NEGR1: variants seen among roughly 807,000 people sequenced by gnomAD.
NEGR1 encodes IgLON family member 4.
NEGR1 carries 10 observed loss-of-function variants against 40.9 expected under a neutral mutation model. The ratio of observed to expected loss-of-function variants is 0.24; its 90% CI spans 0.15 to 0.42. The LOEUF (loss-of-function observed/expected upper bound fraction) is 0.42. Among genes scored for constraint, NEGR1 ranks in the 10% least tolerant of loss-of-function variants. The pLI is 1.00. For missense variants in NEGR1, 352 were observed against 438.9 expected, an observed-to-expected ratio of 0.80 and a Z score of 1.77; for synonymous variants, 185 against 166.8, an observed-to-expected ratio of 1.11 and a Z score of -0.84.
intron 6 of NEGR1, among the ~76,000 whole-genome samples, chr1:71,487,483 C>T (rs1235556176): frequency 2.0e-5 from 3 of 151,604 alleles, no homozygotes; most frequent in Admixed American, 6.6e-5. Flanking sequence ...ATTCTAAATT[C>T]CACGAGTCAT....
At chr1:71,880,115 C>CGAA (rs1297758676) in intron 2 of NEGR1, among the ~76,000 whole-genome samples, 1 of 152,004 alleles carries the variant, frequency 6.6e-6, no homozygotes, top group African/African-American at 2.4e-5. Context: ...TTTAAACTTT[C>CGAA]AGATTTCATA....
chr1:71,847,445 T>C (rs1050919425), intron 2 of NEGR1, among the ~76,000 whole-genome samples: 4 of 152,324 alleles, frequency 2.6e-5, no homozygotes, highest in Non-Finnish European at 5.9e-5. Flanking sequence ...CATGTCTCTG[T>C]GTCCCATTTT....
At chr1:71,956,117 A>G (rs1646117410) in intron 1 of NEGR1, among the ~76,000 whole-genome samples, 1 of 152,186 alleles carries the variant, frequency 6.6e-6, no homozygotes, top group Non-Finnish European at 1.5e-5. Context: ...TGCTATTCCA[A>G]CAAACTGATA....
chr1:71,441,640 A>G (rs1298568657), intron 6 of NEGR1, among the ~76,000 whole-genome samples: 1 of 152,192 alleles, frequency 6.6e-6, no homozygotes, highest in Admixed American at 6.5e-5. Flanking sequence ...GCTCTGTATT[A>G]TAGCTATCTG....
rs547444905 is a variant in NEGR1, at chr1:71,916,963, G to A, written c.409+18116C>T. Reference sequence around the variant, plus strand: ...AATTTCTGATTATTTGACTGACAACGGGAGTCTGGGAAAAAGAGAAAGGCA... The same window carrying A: ...AATTTCTGATTATTTGACTGACAACAGGAGTCTGGGAAAAAGAGAAAGGCA... On this transcript the variant is annotated intron_variant, in intron 2 of 6. Transcript: ENST00000357731. Among the ~76,000 whole-genome samples, 26 of 152,258 alleles carry A rather than the reference G, an allele frequency of 1.7e-4. No individual in the cohort carries two copies. In the South Asian group the frequency reaches 2.3e-3, roughly 13 times the overall value.
chr1:71,524,611 A>G (rs1324276605), intron 6 of NEGR1, among the ~76,000 whole-genome samples: 1 of 151,584 alleles, frequency 6.6e-6, no homozygotes, highest in Admixed American at 6.6e-5. Context: ...TTCACCTGGT[A>G]TGGTTTACGG....
chr1:71,409,548 C>A (rs1000931063), intron 6 of NEGR1, among the ~76,000 whole-genome samples: 1 of 152,030 alleles, frequency 6.6e-6, no homozygotes, highest in Non-Finnish European at 1.5e-5. Context: ...GACCTCCTCT[C>A]ATTCTCCAAC....
In NEGR1 at chr1:71,405,304, T is replaced by C. The variant is rs1646271555; in HGVS notation, c.*2142A>G. The C allele has an allele frequency of 1.3e-5, 2 of 152,276 alleles. No homozygotes were observed. The highest frequency in any genetic ancestry group is 3.0e-5 in the Non-Finnish European group (2 of 67,782). The allele number at this position is 152,276 out of a possible 1,614,324, so 9.4% of individuals were successfully genotyped here. A position where few individuals can be genotyped will look rare whatever the true frequency, so the allele number is the denominator to read the frequency against. On this transcript the variant is annotated 3_prime_UTR_variant, in exon 7 of 7. Transcript: ENST00000357731. ...GTCACTGAATAATATGCATTCTTGA[T>C]CTGTTTCTTTCTCCCAAACAATGGT...
At chr1:71,979,155 A>C (rs945894294) in intron 1 of NEGR1, among the ~76,000 whole-genome samples, 3 of 152,150 alleles carry the variant, frequency 2.0e-5, no homozygotes, top group Non-Finnish European at 4.4e-5. Context: ...GAGCTAAATA[A>C]AGAGAACACA....
chr1:71,718,849 A>T (rs1654363581), intron 3 of NEGR1, among the ~76,000 whole-genome samples: 1 of 152,150 alleles, frequency 6.6e-6, no homozygotes, highest in Admixed American at 6.5e-5. Flanking sequence ...CTTTCCAGTA[A>T]ACTAGTTATC....
intron 2 of NEGR1, among the ~76,000 whole-genome samples, chr1:71,839,717 T>A (rs1360405893): frequency 6.6e-6 from 1 of 152,152 alleles, no homozygotes; most frequent in Non-Finnish European, 1.5e-5. Context: ...TTCCAGAGGA[T>A]TTTATTTTAA....
chr1:71,566,664 C>T (rs1362155320), intron 6 of NEGR1, among the ~76,000 whole-genome samples: 1 of 152,134 alleles, frequency 6.6e-6, no homozygotes, highest in Non-Finnish European at 1.5e-5. Flanking sequence ...TTTGGCTATG[C>T]AGGCCAAATG....
chr1:72,139,175 T>A (rs1385722222), intron 1 of NEGR1, among the ~76,000 whole-genome samples: 12 of 150,744 alleles, frequency 8.0e-5, no homozygotes, highest in African/African-American at 2.9e-4. Context: ...TTTATAGCAT[T>A]AATGGCCTAG....
chr1:72,062,850 T>A (rs994310259), intron 1 of NEGR1, among the ~76,000 whole-genome samples: 3 of 151,966 alleles, frequency 2.0e-5, no homozygotes, highest in Non-Finnish European at 4.4e-5. Context: ...ACTGCCCACA[T>A]GGCATTATTA....
chr1:71,792,805 T>C (rs1271201068), intron 2 of NEGR1, among the ~76,000 whole-genome samples: 1 of 152,160 alleles, frequency 6.6e-6, no homozygotes, highest in Non-Finnish European at 1.5e-5. Context: ...TATAAGGTAC[T>C]TTTTGAAAGG....
chr1:71,463,074 T>C lies in NEGR1; in HGVS notation c.941-55504A>G, dbSNP rs145106712. 1.8e-4 allele frequency among the ~76,000 whole-genome samples: 27 copies of C among 152,096 alleles called. No homozygotes were observed. The East Asian group carries it at 5.0e-3, about 28-fold the overall frequency. On this transcript the variant is annotated intron_variant, in intron 6 of 6. Transcript: ENST00000357731. ...CATGGCACTCCTCTAGGCACTGGGG[T>C]AGTTTGGGTTGGTTGAACAAAGAAG...
chr1:72,192,458 T>C (rs889139421), intron 1 of NEGR1, among the ~76,000 whole-genome samples: 1 of 151,862 alleles, frequency 6.6e-6, no homozygotes, highest in African/African-American at 2.4e-5. Flanking sequence ...TCAGAAAATA[T>C]GGATTTTTTC....
intron 6 of NEGR1, among the ~76,000 whole-genome samples, chr1:71,412,188 C>T (rs1356625074): frequency 3.3e-5 from 5 of 152,042 alleles, no homozygotes; most frequent in Admixed American, 1.3e-4. Context: ...AGACTCACAC[C>T]GCTTCTTCAC....
intron 4 of NEGR1, among the ~76,000 whole-genome samples, chr1:71,614,816 A>G (rs967268864): frequency 1.3e-5 from 2 of 152,214 alleles, no homozygotes; most frequent in African/African-American, 4.8e-5. Context: ...GTTCATCATT[A>G]AAAGGCTTTT....
Sources: gnomAD v4.1 joint callset for allele counts (sites outside exome capture counted in the v4.1 genomes callset) on GRCh38, gnomAD v4.1.1 for gene constraint, MANE v1.5 for transcripts, NCBI Gene and HGNC (gene_info 2026-07-23, HGNC 2026-07-21) for gene names.